Variants in HOOK3 observed in about 807,000 individuals in gnomAD.
HOOK3 encodes protein Hook homolog 3.
Under a neutral mutation model 116.3 loss-of-function variants are expected in HOOK3, and 24 were observed. The observed-to-expected ratio is 0.21, with a 90% confidence interval of 0.15 to 0.29. HOOK3 has a LOEUF of 0.29. HOOK3 is among the 10% of genes least tolerant of loss of function. HOOK3 has a pLI of 1.00. For missense variants in HOOK3, 632 were observed against 830.2 expected, an observed-to-expected ratio of 0.76 and a Z score of 2.93; for synonymous variants, 275 against 283.0, an observed-to-expected ratio of 0.97 and a Z score of 0.28.
chr8:42,946,482 A>G (rs554275485), intron 5 of HOOK3, among the ~76,000 whole-genome samples: 13 of 152,286 alleles, frequency 8.5e-5, no homozygotes, highest in Non-Finnish European at 1.3e-4. Flanking sequence ...TGATGACAGC[A>G]CAGTATGTTA....
rs1396869437 is a variant in HOOK3 at position 43,008,071 on chromosome 8, T to C, written c.1738+142T>C. 2.8e-5 allele frequency: 10 copies of C among 357,040 alleles called. 1 individual carries two copies. Among genetic ancestry groups the C allele is most frequent in the Non-Finnish European group, 4.4e-5 (9 of 204,596 alleles). The allele number at this position is 357,040 out of a possible 1,614,324, so 22.1% of individuals were successfully genotyped here. On this transcript the variant is annotated intron_variant, in intron 18 of 21. Transcript: ENST00000307602. ...AGTCTCACTCTCACCCAGGCTGGAG[T>C]GCAGTGGTGCGATTTTGGCTCACTG...
intron 20 of HOOK3, 70 bp from the exon 21 acceptor site, chr8:43,013,259 G>A: frequency 7.2e-7 from 1 of 1,395,732 alleles, no homozygotes. Flanking sequence ...ACAATTAATT[G>A]TAAGTATTTT....
At chr8:42,974,357 C>T (rs924542961) in intron 13 of HOOK3, among the ~76,000 whole-genome samples, 163 bp downstream of exon 13, 1 of 152,190 alleles carries the variant, frequency 6.6e-6, no homozygotes, top group African/African-American at 2.4e-5. Flanking sequence ...TCTCCTGCCT[C>T]AGCCTCCCAA....
intron 4 of HOOK3, 110 bp from the exon 5 acceptor site, chr8:42,943,195 AACATAATC>A: frequency 5.7e-6 from 3 of 523,454 alleles, no homozygotes; most frequent in Non-Finnish European, 9.1e-6. Context: ...AGTGAAATGG[AACATAATC>A]ACTCTGTCCT....
At chr8:42,948,633 T>A (rs1216519258) in intron 5 of HOOK3, among the ~76,000 whole-genome samples, 1 of 152,194 alleles carries the variant, frequency 6.6e-6, no homozygotes, top group Non-Finnish European at 1.5e-5. Context: ...ATGTTCACAG[T>A]CTTACTTTTA....
intron 18 of HOOK3, among the ~76,000 whole-genome samples, chr8:43,009,872 A>G (rs1809571258): frequency 6.6e-6 from 1 of 152,140 alleles, no homozygotes; most frequent in South Asian, 2.1e-4. Context: ...CTGTCTCTGA[A>G]TTTGACTATT....
chr8:42,966,991 G>A (rs1808643444), intron 10 of HOOK3, among the ~76,000 whole-genome samples: 1 of 151,926 alleles, frequency 6.6e-6, no homozygotes, highest in African/African-American at 2.4e-5. Context: ...TACCCCTTCA[G>A]TTCTCTCATG....
At chr8:42,905,656 C>T (rs1484865127) in intron 1 of HOOK3, among the ~76,000 whole-genome samples, 1 of 151,790 alleles carries the variant, frequency 6.6e-6, no homozygotes, top group African/African-American at 2.4e-5. Flanking sequence ...CACGATTTCT[C>T]TTTTACCAGT....
rs1809771089 is a variant in HOOK3, at chr8:43,019,023, T to C, written c.*525T>C. 4.8e-6 allele frequency: 1 copy of C among 208,200 alleles called. No individual in the cohort carries two copies. Among genetic ancestry groups the C allele is most frequent in the Non-Finnish European group, 9.8e-6 (1 of 102,076 alleles). The allele number at this position is 208,200 out of a possible 1,614,324, so 12.9% of individuals were successfully genotyped here. ...AGTGTTCTTTTTGCAAAGACTTGAATACATTGGCAGAGGTGCTAATCACAT... is the reference window on the plus strand; with the variant it reads ...AGTGTTCTTTTTGCAAAGACTTGAACACATTGGCAGAGGTGCTAATCACAT... On this transcript the variant is annotated 3_prime_UTR_variant, in exon 22 of 22. Coordinates refer to ENST00000307602, the MANE Select transcript of HOOK3 (RefSeq NM_032410.4).
chr8:43,010,479 G>A (rs561666414), intron 19 of HOOK3, 74 bp downstream of exon 19: 67 of 403,010 alleles, frequency 1.7e-4, no homozygotes, highest in Non-Finnish European at 2.6e-4. Context: ...TATAATGGAC[G>A]GACACTACAG....
chr8:42,899,892 A>G (rs1807149564), intron 1 of HOOK3, among the ~76,000 whole-genome samples: 2 of 152,226 alleles, frequency 1.3e-5, no homozygotes. Flanking sequence ...TGAGTATCAG[A>G]TAAAAGTTTG....
At chr8:42,934,372 T>C (rs1414729879) in intron 4 of HOOK3, among the ~76,000 whole-genome samples, 1 of 152,312 alleles carries the variant, frequency 6.6e-6, no homozygotes, top group East Asian at 1.9e-4. Flanking sequence ...ATATTAATCA[T>C]AGATTTTTTT....
chr8:42,988,264 G>A (rs942108081), intron 15 of HOOK3, among the ~76,000 whole-genome samples: 2 of 152,192 alleles, frequency 1.3e-5, no homozygotes, highest in African/African-American at 2.4e-5. Flanking sequence ...AGCAGCTGGC[G>A]GGTGGGCAGT....
chr8:42,897,237 T>A, intron 1 of HOOK3, 49 bp downstream of exon 1: 1 of 1,184,212 alleles, frequency 8.4e-7, no homozygotes, highest in Non-Finnish European at 1.1e-6. Flanking sequence ...CCCCGCCACC[T>A]ACCGGGACCC....
chr8:43,005,214 A>T (rs75847461), intron 17 of HOOK3, among the ~76,000 whole-genome samples: 20 of 63,190 alleles, frequency 3.2e-4, no homozygotes, highest in South Asian at 1.4e-3. Context: ...TATATATATA[A>T]TTTTTTTTTT....
intron 13 of HOOK3, among the ~76,000 whole-genome samples, chr8:42,976,457 C>A (rs1428359343): frequency 1.3e-5 from 2 of 152,134 alleles, no homozygotes; most frequent in South Asian, 4.1e-4. Context: ...CTCCAGTGAG[C>A]TGAGGTCGCA....
chr8:42,936,653 G>C (rs764287171), intron 4 of HOOK3, among the ~76,000 whole-genome samples: 6 of 152,052 alleles, frequency 3.9e-5, no homozygotes, highest in African/African-American at 1.2e-4. Flanking sequence ...ATAATTGTAC[G>C]GTTTTTGTCA....
At chr8:43,008,365 A>T (rs1024399175) in intron 18 of HOOK3, among the ~76,000 whole-genome samples, 2 of 151,570 alleles carry the variant, frequency 1.3e-5, no homozygotes, top group African/African-American at 4.9e-5. Context: ...CCCAGACTGG[A>T]GTAAATGGTA....
chr8:42,960,120 T>G (rs1756281220), intron 8 of HOOK3, among the ~76,000 whole-genome samples: 2 of 152,238 alleles, frequency 1.3e-5, no homozygotes, highest in Admixed American at 1.3e-4. Flanking sequence ...CTAATAAGAT[T>G]TCATTATTTT....
Sources: gnomAD v4.1 joint callset for allele counts (sites outside exome capture counted in the v4.1 genomes callset) on GRCh38, gnomAD v4.1.1 for gene constraint, MANE v1.5 for transcripts, NCBI Gene and HGNC (gene_info 2026-07-23, HGNC 2026-07-21) for gene names.